Variants in COL24A1 observed in about 807,000 individuals in gnomAD.
COL24A1 encodes the protein collagen alpha-1(XXIV) chain.
COL24A1 carries 224 observed loss-of-function variants against 253.9 expected under a neutral mutation model. That is an observed-to-expected ratio of 0.88 (90% CI 0.79 to 0.99). The LOEUF (loss-of-function observed/expected upper bound fraction) is 0.99, where lower values mean the gene tolerates loss of function less well. Ranked by LOEUF, COL24A1 falls within the 50% of genes least tolerant of loss-of-function variation. The pLI, the probability that COL24A1 is intolerant of heterozygous loss-of-function variation, is 0.00. For synonymous variants in COL24A1, 685 were observed against 673.7 expected (o/e 1.02, Z -0.26); for missense variants, 2,131 against 2,068.5 (o/e 1.03, Z -0.59).
intron 8 of COL24A1, among the ~76,000 whole-genome samples, chr1:86,061,643 G>A (rs1433675342): frequency 6.6e-6 from 1 of 152,024 alleles, no homozygotes; most frequent in Non-Finnish European, 1.5e-5. Flanking sequence ...AAATAAACAA[G>A]TAAGACTTCA....
chr1:85,923,572 T>C (rs1240447648), intron 24 of COL24A1, among the ~76,000 whole-genome samples: 1 of 152,182 alleles, frequency 6.6e-6, no homozygotes, highest in Non-Finnish European at 1.5e-5. Flanking sequence ...GAATGACTAC[T>C]GGGCAAACAA....
Position 85,734,842 on chromosome 1 carries a change from G to A in COL24A1, c.4905C>T (p.Gly1635=), listed in dbSNP as rs1331381178. 1 of 1,614,022 alleles carries A rather than the reference G, an allele frequency of 6.2e-7. No individual in the cohort carries two copies. The highest frequency in any genetic ancestry group is 1.3e-5 in the African/African-American group (1 of 74,910). Residue 1635 remains glycine (G), a synonymous_variant, in exon 59 of 60, where the codon GGC becomes GGT. Coordinates refer to ENST00000370571, the MANE Select transcript of COL24A1 (RefSeq NM_152890.7). ...TPRWTSTQTS[G]PGLPIGFKGW... ...CCTTGAAACCAATAGGCAATCCTGG[G>A]CCACTTGTTTGTGTGCTTGTCCACC...
chr1:86,114,944 C>T (rs1167938228), intron 4 of COL24A1, among the ~76,000 whole-genome samples: 1 of 152,070 alleles, frequency 6.6e-6, no homozygotes, highest in Non-Finnish European at 1.5e-5. Context: ...TCAGAATTTT[C>T]CACTATGTAA....
chr1:85,810,943 C>T (rs1314604994), intron 47 of COL24A1, among the ~76,000 whole-genome samples: 1 of 152,172 alleles, frequency 6.6e-6, no homozygotes, highest in Non-Finnish European at 1.5e-5. Context: ...TCAGCTCCCT[C>T]CTGAATTATT....
At chr1:86,102,842 GA>G (rs1223285135) in intron 5 of COL24A1, among the ~76,000 whole-genome samples, 3 of 152,142 alleles carry the variant, frequency 2.0e-5, no homozygotes, top group African/African-American at 7.2e-5. Context: ...GTGATGAGAA[GA>G]ATGTATATTC....
At chr1:86,085,296 A>G (rs1702982602) in intron 7 of COL24A1, among the ~76,000 whole-genome samples, 1 of 152,228 alleles carries the variant, frequency 6.6e-6, no homozygotes, top group African/African-American at 2.4e-5. Flanking sequence ...TTCTTTTAAA[A>G]AATAATTGAA....
chr1:85,900,626 T>TTTAAA (rs1324494220), intron 28 of COL24A1, among the ~76,000 whole-genome samples: 1 of 151,836 alleles, frequency 6.6e-6, no homozygotes, highest in Non-Finnish European at 1.5e-5. Context: ...GTGACAGAGT[T>TTTAAA]ACACCCCATC....
intron 38 of COL24A1, 66 bp from the exon 39 acceptor site, chr1:85,847,838 T>A (rs560065449): frequency 1.0e-6 from 1 of 986,620 alleles, no homozygotes; most frequent in African/African-American, 1.6e-5. Context: ...ATTAACTATA[T>A]CATATTCCTG....
chr1:85,848,030 T>C (rs1487963012), intron 38 of COL24A1, among the ~76,000 whole-genome samples: 1 of 152,218 alleles, frequency 6.6e-6, no homozygotes, highest in African/African-American at 2.4e-5. Context: ...AACCGTTTTT[T>C]ACTTTTGAAT....
At chr1:85,740,953 C>CAAAAAAAAAAAAAAAAA (rs774839476) in intron 57 of COL24A1, among the ~76,000 whole-genome samples, 13 of 82,990 alleles carry the variant, frequency 1.6e-4, no homozygotes, top group Non-Finnish European at 2.7e-4. Context: ...TCTAAAAATA[C>CAAAAAAAAAAAAAAAAA]AAAAAAAAAA....
chr1:85,963,519 T>C (rs1691265539), intron 23 of COL24A1, among the ~76,000 whole-genome samples: 1 of 152,170 alleles, frequency 6.6e-6, no homozygotes, highest in Non-Finnish European at 1.5e-5. Context: ...AGAAGTTACT[T>C]GTCTTTGACG....
At chr1:85,842,936 A>G (rs1676778414) in intron 39 of COL24A1, among the ~76,000 whole-genome samples, 1 of 152,182 alleles carries the variant, frequency 6.6e-6, no homozygotes, top group African/African-American at 2.4e-5. Flanking sequence ...TAGATGGTGA[A>G]ACCATGTAAG....
chr1:85,887,240 A>G (rs1490343936), intron 32 of COL24A1, among the ~76,000 whole-genome samples: 1 of 152,170 alleles, frequency 6.6e-6, no homozygotes, highest in Non-Finnish European at 1.5e-5. Context: ...ATATTTATTT[A>G]GGTCAGGAGA....
intron 24 of COL24A1, among the ~76,000 whole-genome samples, chr1:85,944,217 G>C (rs1689021280): frequency 1.3e-5 from 2 of 152,100 alleles, no homozygotes; most frequent in Non-Finnish European, 2.9e-5. Flanking sequence ...ATAAAGCTGG[G>C]TATAGACAAT....
chr1:85,926,413 C>T (rs1426746949), intron 24 of COL24A1, among the ~76,000 whole-genome samples: 1 of 152,190 alleles, frequency 6.6e-6, no homozygotes, highest in Non-Finnish European at 1.5e-5. Flanking sequence ...AACTTGGAAC[C>T]AACCCAAATG....
intron 2 of COL24A1, among the ~76,000 whole-genome samples, chr1:86,132,220 T>G (rs557247182): frequency 6.6e-6 from 1 of 152,358 alleles, no homozygotes; most frequent in African/African-American, 2.4e-5. Context: ...TTGTTTGTTT[T>G]TTTCTTGTGA....
intron 6 of COL24A1, among the ~76,000 whole-genome samples, chr1:86,091,494 T>C (rs1195551621): frequency 6.6e-6 from 1 of 152,102 alleles, no homozygotes; most frequent in East Asian, 1.9e-4. Context: ...TGTGAATGTA[T>C]ACTACATTAA....
At chr1:85,942,888 C>T (rs748934941) in intron 24 of COL24A1, among the ~76,000 whole-genome samples, 2 of 151,974 alleles carry the variant, frequency 1.3e-5, no homozygotes, top group African/African-American at 2.4e-5. Flanking sequence ...GGGGTAGACT[C>T]GACTTAATTT....
At position 85,849,358 on chromosome 1, in the gene COL24A1, T is replaced by A; in HGVS notation, c.3349A>T (p.Lys1117Ter). The change falls in exon 38 of 60, where the codon AAA becomes TAA. Residue 1117 changes from lysine (K) to a stop codon, truncating the protein, a stop_gained. Transcript: ENST00000370571. LOFTEE classifies it high-confidence loss of function. ...GIPGQRGRPG[K>*]KGDKGQIGPT... ...AAGAAGATGTAAAAAATTACCTTTTTTCCTGGACGACCTCTTTGCCCTGGA... is the reference window on the plus strand; with the variant it reads ...AAGAAGATGTAAAAAATTACCTTTTATCCTGGACGACCTCTTTGCCCTGGA... 1 of 1,612,858 alleles carries A rather than the reference T, an allele frequency of 6.2e-7. No homozygotes were observed. The highest frequency in any genetic ancestry group is 1.1e-5 in the South Asian group (1 of 90,934).
Sources: gnomAD v4.1 joint callset for allele counts (sites outside exome capture counted in the v4.1 genomes callset) on GRCh38, gnomAD v4.1.1 for gene constraint, MANE v1.5 for transcripts, NCBI Gene and HGNC (gene_info 2026-07-23, HGNC 2026-07-21) for gene names.